The following ARFIP1 variants were observed in gnomAD, a reference collection of about 807,000 sequenced individuals.
ARFIP1 encodes ARF interacting protein 1.
In ARFIP1, 24 loss-of-function variants were observed where a neutral mutation model predicts 42.5. That is an observed-to-expected ratio of 0.57 (90% CI 0.41 to 0.80). The LOEUF is 0.80. Among genes scored for constraint, ARFIP1 ranks in the 30% least tolerant of loss-of-function variants. The probability of loss-of-function intolerance (pLI) is 0.00; values close to 1 mark genes in which losing one functional copy is unlikely to be tolerated. For synonymous variants in ARFIP1, 141 were observed against 153.7 expected (o/e 0.92, Z 0.61); for missense variants, 354 against 434.0 (o/e 0.82, Z 1.64).
chr4:152,797,835 A>G (rs530655933), intron 1 of ARFIP1, among the ~76,000 whole-genome samples: 1 of 152,228 alleles, frequency 6.6e-6, no homozygotes, highest in South Asian at 2.1e-4. Context: ...TTGATTCTTC[A>G]AGGGTTTTTA....
chr4:152,888,009 T>A, intron 7 of ARFIP1, 124 bp from the exon 8 acceptor site: 2 of 593,840 alleles, frequency 3.4e-6, no homozygotes, highest in Non-Finnish European at 5.3e-6. Context: ...TCAAGTAGAA[T>A]ATGTGTGAGA....
intron 2 of ARFIP1, among the ~76,000 whole-genome samples, chr4:152,835,170 T>G (rs183242944): frequency 6.6e-6 from 1 of 152,354 alleles, no homozygotes; most frequent in Admixed American, 6.5e-5. Flanking sequence ...CTCCACAGTC[T>G]GCTCGGATTC....
At chr4:152,900,395 T>C (rs1309171926) in intron 8 of ARFIP1, among the ~76,000 whole-genome samples, 2 of 152,088 alleles carry the variant, frequency 1.3e-5, no homozygotes, top group African/African-American at 4.8e-5. Flanking sequence ...CTCTGCCTTT[T>C]GTTTTTCCTT....
At chr4:152,855,532 T>C (rs538596951) in intron 2 of ARFIP1, among the ~76,000 whole-genome samples, 1 of 152,342 alleles carries the variant, frequency 6.6e-6, no homozygotes, top group African/African-American at 2.4e-5. Context: ...CAGCCCTGGA[T>C]ACAGTAGTCT....
intron 8 of ARFIP1, among the ~76,000 whole-genome samples, chr4:152,897,875 G>A (rs930587729): frequency 6.6e-6 from 1 of 151,724 alleles, no homozygotes; most frequent in Admixed American, 6.6e-5. Context: ...TTAGTTCTTA[G>A]TAGTTATGGT....
At chr4:152,895,813 C>G (rs1465689937) in intron 8 of ARFIP1, among the ~76,000 whole-genome samples, 1 of 152,088 alleles carries the variant, frequency 6.6e-6, no homozygotes, top group East Asian at 1.9e-4. Context: ...CCTTCTGCCT[C>G]AGCCTCCCAA....
chr4:152,850,426 T>C (rs2149865190), intron 2 of ARFIP1, among the ~76,000 whole-genome samples: 1 of 152,174 alleles, frequency 6.6e-6, no homozygotes, highest in South Asian at 2.1e-4. Context: ...TCAATAAATA[T>C]TTGAAATTGA....
Position 152,870,744 on chromosome 4 carries a change from C to T in ARFIP1, c.203-9C>T, listed in dbSNP as rs764981981. The stretch of plus-strand genomic sequence containing the variant: ...AGGATTTTCACAGTTAAAATGTCTA[C>T]CTTTTCAGGTTCCCCAGCACCGCCA... On this transcript the variant is annotated splice_polypyrimidine_tract_variant and intron_variant, in intron 3 of 8. Coordinates refer to ENST00000353617, the MANE Select transcript of ARFIP1 (RefSeq NM_001025595.3). 1 of 1,608,378 alleles carries T rather than the reference C, an allele frequency of 6.2e-7. No individual in the cohort carries two copies. Among genetic ancestry groups the T allele is most frequent in the African/African-American group, 1.3e-5 (1 of 74,902 alleles).
At chr4:152,868,625 A>G (rs1411165239) in intron 3 of ARFIP1, among the ~76,000 whole-genome samples, 1 of 152,160 alleles carries the variant, frequency 6.6e-6, no homozygotes, top group Non-Finnish European at 1.5e-5. Flanking sequence ...ATGTAGTGCT[A>G]TGGTTTATTT....
At position 152,840,130 on chromosome 4, in the gene ARFIP1, A is replaced by G. The variant is rs556728604; in HGVS notation, c.93+10404A>G. ...TGAAAGAGTGCTTGATATAATTTCA[A>G]TTTCCTTAAGTTTATTGAGGTTCGT... On this transcript the variant is annotated intron_variant, in intron 2 of 8. Coordinates refer to ENST00000353617, the MANE Select transcript of ARFIP1 (RefSeq NM_001025595.3). 1.3e-4 allele frequency among the ~76,000 whole-genome samples: 20 copies of G among 152,208 alleles called. No individual in the cohort carries two copies. In the South Asian group the frequency reaches 2.9e-3, roughly 22 times the overall value.
At chr4:152,885,584 TGAGCACTGTTAGAGAAGCTATTATG>T (rs1286699891) in intron 7 of ARFIP1, among the ~76,000 whole-genome samples, 1 of 152,010 alleles carries the variant, frequency 6.6e-6, no homozygotes, top group African/African-American at 2.4e-5. Flanking sequence ...TTGGTGGTAA[TGAGCACTGTTAGAGAAGCTATTATG>T]GAAAGTTTTA....
At chr4:152,870,572 CTG>C (rs1219932949) in intron 3 of ARFIP1, among the ~76,000 whole-genome samples, 179 bp from the exon 4 acceptor site, 1 of 152,180 alleles carries the variant, frequency 6.6e-6, no homozygotes, top group Non-Finnish European at 1.5e-5. Context: ...TATATAAAAA[CTG>C]AGCCTGGTAG....
intron 2 of ARFIP1, among the ~76,000 whole-genome samples, chr4:152,833,514 A>G (rs1172881347): frequency 6.6e-6 from 1 of 152,236 alleles, no homozygotes; most frequent in Non-Finnish European, 1.5e-5. Flanking sequence ...ATTTCTGGGT[A>G]TATATTCAAA....
intron 2 of ARFIP1, among the ~76,000 whole-genome samples, chr4:152,855,703 G>A (rs1339243309): frequency 2.0e-5 from 3 of 152,162 alleles, no homozygotes; most frequent in Non-Finnish European, 2.9e-5. Flanking sequence ...TCCTTTCTGG[G>A]GCAGTGCCAT....
chr4:152,800,133 TTA>T (rs1728280869), intron 1 of ARFIP1, among the ~76,000 whole-genome samples: 1 of 152,166 alleles, frequency 6.6e-6, no homozygotes, highest in African/African-American at 2.4e-5. Context: ...TTTAAAAGCA[TTA>T]TATGAGTTTA....
At chr4:152,875,356 T>C (rs1735233528) in intron 5 of ARFIP1, among the ~76,000 whole-genome samples, 1 of 150,058 alleles carries the variant, frequency 6.7e-6, no homozygotes, top group South Asian at 2.1e-4. Context: ...GTAGAGTGCT[T>C]TTTGAAGTTT....
At chr4:152,819,272 A>G (rs905966143) in intron 1 of ARFIP1, among the ~76,000 whole-genome samples, 5 of 152,172 alleles carry the variant, frequency 3.3e-5, no homozygotes, top group African/African-American at 1.2e-4. Flanking sequence ...AAACTGTGGC[A>G]TGACCTCAAC....
At chr4:152,899,295 G>T (rs1386580531) in intron 8 of ARFIP1, among the ~76,000 whole-genome samples, 1 of 152,106 alleles carries the variant, frequency 6.6e-6, no homozygotes, top group Non-Finnish European at 1.5e-5. Flanking sequence ...AACATTGGTG[G>T]GATCCCCTCC....
At chr4:152,890,450 T>C (rs2149899736) in intron 8 of ARFIP1, among the ~76,000 whole-genome samples, 1 of 152,218 alleles carries the variant, frequency 6.6e-6, no homozygotes, top group East Asian at 1.9e-4. Context: ...AAAAAGTCAT[T>C]TAGAAAGTCT....
Sources: gnomAD v4.1 joint callset for allele counts (sites outside exome capture counted in the v4.1 genomes callset) on GRCh38, gnomAD v4.1.1 for gene constraint, MANE v1.5 for transcripts, NCBI Gene and HGNC (gene_info 2026-07-23, HGNC 2026-07-21) for gene names.